Variants in NELL1 observed in about 807,000 individuals in gnomAD.
NELL1 encodes the protein neural EGFL like 1.
In NELL1, 76 loss-of-function variants were observed where a neutral mutation model predicts 107.4. The ratio of observed to expected loss-of-function variants is 0.71; its 90% CI spans 0.59 to 0.86. The LOEUF is 0.86. Among genes scored for constraint, NELL1 ranks in the 40% least tolerant of loss-of-function variants. NELL1 has a pLI of 0.00. For missense variants in NELL1, 1,024 were observed against 1,005.5 expected, an observed-to-expected ratio of 1.02 and a Z score of -0.25; for synonymous variants, 353 against 341.2, an observed-to-expected ratio of 1.03 and a Z score of -0.38.
intron 13 of NELL1, among the ~76,000 whole-genome samples, chr11:21,223,545 T>C (rs1857815616): frequency 6.6e-6 from 1 of 152,200 alleles, no homozygotes; most frequent in African/African-American, 2.4e-5. Context: ...AACTGGGAAA[T>C]CAAAACCATT....
chr11:21,357,514 G>T (rs1357272846), intron 14 of NELL1, among the ~76,000 whole-genome samples: 1 of 151,854 alleles, frequency 6.6e-6, no homozygotes, highest in Non-Finnish European at 1.5e-5. Context: ...GTTTTTTCTT[G>T]CTGACTTATT....
intron 4 of NELL1, among the ~76,000 whole-genome samples, chr11:20,851,648 T>C (rs1423600728): frequency 1.3e-5 from 2 of 152,206 alleles, no homozygotes; most frequent in Admixed American, 1.3e-4. Context: ...CACAACAAAA[T>C]GAATTTTATT....
At chr11:21,370,389 A>C (rs116968420) in intron 14 of NELL1, among the ~76,000 whole-genome samples, 2,522 of 152,198 alleles carry the variant, frequency 0.017, 31 homozygotes, top group Non-Finnish European at 0.026. Flanking sequence ...TATATTATAA[A>C]TATTAAGCTA....
intron 15 of NELL1, among the ~76,000 whole-genome samples, chr11:21,394,935 G>T (rs1422852162): frequency 6.6e-6 from 1 of 151,438 alleles, no homozygotes. Context: ...TTATATGTAG[G>T]TTAATAGGCT....
intron 3 of NELL1, among the ~76,000 whole-genome samples, chr11:20,785,085 A>G (rs944211692): frequency 6.6e-6 from 1 of 152,182 alleles, no homozygotes; most frequent in African/African-American, 2.4e-5. Flanking sequence ...GTGTTACATC[A>G]AACAGAAGGA....
rs982839966 is a variant in NELL1, at chr11:21,438,552, T to C, written c.1645+67604T>C. On this transcript the variant is annotated intron_variant, in intron 15 of 19. Transcript: ENST00000357134. Reference sequence around the variant, plus strand: ...AACTGTTATTTCATTAAATAGGTTTTTTATGCCTGTTCACATTTCTTCTCC... The same window carrying C: ...AACTGTTATTTCATTAAATAGGTTTCTTATGCCTGTTCACATTTCTTCTCC... Among the ~76,000 whole-genome samples the C allele has an allele frequency of 2.0e-5, 3 of 152,262 alleles. No individual in the cohort carries two copies. The East Asian group carries it at 5.8e-4, about 29-fold the overall frequency.
intron 15 of NELL1, among the ~76,000 whole-genome samples, chr11:21,533,608 T>A (rs1308472732): frequency 1.3e-5 from 2 of 152,100 alleles, no homozygotes; most frequent in Non-Finnish European, 1.5e-5. Context: ...ATGAACCGGG[T>A]ATTTGGTGAT....
chr11:21,301,771 T>G (rs1321533445), intron 14 of NELL1, among the ~76,000 whole-genome samples: 1 of 152,006 alleles, frequency 6.6e-6, no homozygotes, highest in East Asian at 1.9e-4. Flanking sequence ...TTGTCAAATT[T>G]TGCTTTTGTA....
chr11:21,122,359 A>G (rs1011943352), intron 13 of NELL1, among the ~76,000 whole-genome samples: 2 of 152,084 alleles, frequency 1.3e-5, no homozygotes, highest in African/African-American at 4.8e-5. Context: ...TTGCAGCTCC[A>G]CTCTATCCAC....
chr11:21,517,975 T>G (rs886144220), intron 15 of NELL1, among the ~76,000 whole-genome samples: 1 of 151,936 alleles, frequency 6.6e-6, no homozygotes, highest in African/African-American at 2.4e-5. Context: ...GTGAGCAGCA[T>G]GAGTTCTGTA....
intron 12 of NELL1, among the ~76,000 whole-genome samples, chr11:21,095,721 C>T (rs1854626098): frequency 6.6e-6 from 1 of 152,284 alleles, no homozygotes; most frequent in South Asian, 2.1e-4. Flanking sequence ...AGTGATTCTC[C>T]TGCCTCAGCC....
chr11:20,823,209 A>G (rs1296250090), intron 3 of NELL1, among the ~76,000 whole-genome samples: 1 of 151,438 alleles, frequency 6.6e-6, no homozygotes, highest in Non-Finnish European at 1.5e-5. Flanking sequence ...AGGAGGATCG[A>G]GCTGCATCTT....
chr11:21,549,762 C>T (rs187280358), intron 16 of NELL1, among the ~76,000 whole-genome samples: 55 of 151,842 alleles, frequency 3.6e-4, no homozygotes, highest in East Asian at 2.0e-4. Context: ...ATTTTAAAAA[C>T]GTAATATGAA....
chr11:20,913,600 C>A (rs971949727), intron 5 of NELL1, among the ~76,000 whole-genome samples: 1 of 151,858 alleles, frequency 6.6e-6, no homozygotes, highest in Non-Finnish European at 1.5e-5. Context: ...GTACCTGGTG[C>A]AAATTTATTT....
At position 21,575,335 on chromosome 11, in the gene NELL1, G is replaced by A. The variant is rs574274359; in HGVS notation, c.*313G>A. 8 of 253,990 alleles carry A rather than the reference G, an allele frequency of 3.1e-5. No homozygotes were observed. Among genetic ancestry groups the A allele is most frequent in the South Asian group, 1.8e-4 (2 of 11,362 alleles). 15.7% of individuals were successfully genotyped at this position (253,990 alleles called of 1,614,324 possible). Reference sequence around the variant, plus strand: ...GCAAATACATTTAAATGATCTCATGGTAAATGTTGATGTATTTTTTGGTTT... The same window carrying A: ...GCAAATACATTTAAATGATCTCATGATAAATGTTGATGTATTTTTTGGTTT... On this transcript the variant is annotated 3_prime_UTR_variant, in exon 20 of 20. Coordinates refer to ENST00000357134, the MANE Select transcript of NELL1 (RefSeq NM_006157.5).
chr11:21,148,367 G>A (rs547727458), intron 13 of NELL1, among the ~76,000 whole-genome samples: 1 of 152,240 alleles, frequency 6.6e-6, no homozygotes, highest in East Asian at 1.9e-4. Flanking sequence ...CGGGGGGAGG[G>A]TGGATACTGG....
At chr11:21,014,080 G>T (rs1271420396) in intron 12 of NELL1, among the ~76,000 whole-genome samples, 1 of 152,026 alleles carries the variant, frequency 6.6e-6, no homozygotes, top group Non-Finnish European at 1.5e-5. Flanking sequence ...AATTGTTCCA[G>T]CTTTGGCAAA....
At chr11:20,887,095 C>A (rs1219963217) in intron 5 of NELL1, among the ~76,000 whole-genome samples, 5 of 152,098 alleles carry the variant, frequency 3.3e-5, no homozygotes, top group Admixed American at 6.5e-5. Context: ...TAAATGGAAT[C>A]ATTTATGTGT....
chr11:20,851,537 C>T (rs928533872), intron 4 of NELL1, among the ~76,000 whole-genome samples: 1 of 152,100 alleles, frequency 6.6e-6, no homozygotes, highest in Non-Finnish European at 1.5e-5. Flanking sequence ...TCCTTAGATT[C>T]ACCCTCTCCC....
Sources: gnomAD v4.1 joint callset for allele counts (sites outside exome capture counted in the v4.1 genomes callset) on GRCh38, gnomAD v4.1.1 for gene constraint, MANE v1.5 for transcripts, NCBI Gene and HGNC (gene_info 2026-07-23, HGNC 2026-07-21) for gene names.